Variants in AURKB observed in about 807,000 individuals in gnomAD.
The protein encoded by AURKB is aurora kinase B.
In AURKB, 28 loss-of-function variants were observed where a neutral mutation model predicts 36.5. That is an observed-to-expected ratio of 0.77 (90% confidence interval 0.57 to 1.05). The LOEUF is 1.05. Among genes scored for constraint, AURKB ranks in the 50% least tolerant of loss-of-function variants. AURKB has a pLI of 0.00. For synonymous variants in AURKB, 175 were observed against 172.9 expected (o/e 1.01, Z -0.09); for missense variants, 383 against 447.4 (o/e 0.86, Z 1.30).
intron 2 of AURKB, chr17:8,208,062 C>A (rs1033661805): frequency 3.6e-5 from 15 of 416,512 alleles, no homozygotes; most frequent in Non-Finnish European, 6.5e-5. Context: ...CGCAGTGGCT[C>A]CCGCAGTCAG....
Position 8,207,378 on chromosome 17 carries a change from A to C in AURKB, c.207-11T>G, listed in dbSNP as rs2151473600. ...ATTGTGAAGTGCCGCCTGCTTAGAA[A>C]GTGGAGGAAGGCAACTCAGAACCGG... On this transcript the variant is annotated splice_polypyrimidine_tract_variant and intron_variant, in intron 4 of 8. Transcript: ENST00000585124. 1 of 1,610,246 alleles carries C rather than the reference A, an allele frequency of 6.2e-7. No individual in the cohort carries two copies. Among genetic ancestry groups the C allele is most frequent in the Admixed American group, 1.7e-5 (1 of 59,870 alleles).
chr17:8,209,188 T>C (rs534128989), intron 2 of AURKB, among the ~76,000 whole-genome samples: 1 of 152,192 alleles, frequency 6.6e-6, no homozygotes, highest in African/African-American at 2.4e-5. Flanking sequence ...AATTTTTGTA[T>C]TTTTAGTAGA....
In AURKB at chr17:8,207,255, C is replaced by A; in HGVS notation, c.319G>T (p.Val107Phe). ...KKSHFIVALK[V>F]LFKSQIEKEG... is the part of the protein sequence containing the mutation. Reference sequence around the variant, plus strand: ...TTCTCTATCTGGGACTTGAAGAGGACCTTGAGCGCCACGATGAAATGGCTT... The same window carrying A: ...TTCTCTATCTGGGACTTGAAGAGGAACTTGAGCGCCACGATGAAATGGCTT... The change falls in exon 5 of 9, where the codon GTC (valine) becomes TTC (phenylalanine). Residue 107 changes from valine to phenylalanine, a missense_variant. Physicochemically the swap from Val to Phe is conservative, Grantham distance 50. Coordinates refer to ENST00000585124, the MANE Select transcript of AURKB (RefSeq NM_004217.4). The A allele has an allele frequency of 1.2e-6, 2 of 1,614,126 alleles. No homozygotes were observed. Among genetic ancestry groups the A allele is most frequent in the Non-Finnish European group, 8.5e-7 (1 of 1,180,016 alleles).
chr17:8,207,104 G>C, intron 5 of AURKB, 72 bp downstream of exon 5: 2 of 1,533,622 alleles, frequency 1.3e-6, no homozygotes, highest in Non-Finnish European at 1.8e-6. Context: ...CAATCTGGAT[G>C]AAGTGGGGCT....
At chr17:8,210,326 G>A (rs1433752202) in intron 1 of AURKB, 77 bp from the exon 2 acceptor site, 1 of 1,143,212 alleles carries the variant, frequency 8.7e-7, no homozygotes, top group African/African-American at 1.6e-5. Flanking sequence ...GATCGAGCCG[G>A]AAGCGCTAGC....
chr17:8,210,299 G>C, intron 1 of AURKB, 50 bp from the exon 2 acceptor site: 1 of 1,386,864 alleles, frequency 7.2e-7, no homozygotes, highest in Non-Finnish European at 1.0e-6. Flanking sequence ...AAGAGAGAGA[G>C]AGGGAGGGGT....
chr17:8,205,100 C>A, intron 8 of AURKB, 56 bp from the exon 9 acceptor site: 1 of 1,550,398 alleles, frequency 6.4e-7, no homozygotes, highest in East Asian at 2.3e-5. Context: ...CTACATCTTC[C>A]TTGACTACCC....
chr17:8,205,430 A>G (rs753842571), intron 7 of AURKB, 40 bp from the exon 8 acceptor site: 3 of 1,601,172 alleles, frequency 1.9e-6, no homozygotes, highest in Admixed American at 1.7e-5. Flanking sequence ...TCCTAGTGAC[A>G]TAGGAACTCT....
chr17:8,210,402 C>A lies in AURKB; in HGVS notation c.-26+128G>T, dbSNP rs375128595. 677 of 642,910 alleles carry A rather than the reference C, an allele frequency of 1.1e-3. 6 individuals carry two copies. In the African/African-American group the frequency reaches 0.011, roughly 11 times the overall value. 39.8% of individuals were successfully genotyped at this position (642,910 alleles called of 1,614,324 possible). On this transcript the variant is annotated intron_variant, in intron 1 of 8. Transcript: ENST00000585124. Reference sequence around the variant, plus strand: ...ATCTGGGCGCTGGTCTCACCGCCCCCGCCCTGCTATCGTCCCTACCTCCTT... The same window carrying A: ...ATCTGGGCGCTGGTCTCACCGCCCCAGCCCTGCTATCGTCCCTACCTCCTT...
chr17:8,207,075 G>T (rs1985413176), intron 5 of AURKB, 101 bp downstream of exon 5: 2 of 1,463,868 alleles, frequency 1.4e-6, no homozygotes, highest in African/African-American at 1.4e-5. Context: ...GGGCTCACTA[G>T]CCATAGCTAC....
Position 8,206,935 on chromosome 17 carries a change from C to G in AURKB, c.399-47G>C, listed in dbSNP as rs771165984. On this transcript the variant is annotated intron_variant, in intron 5 of 8. Coordinates refer to ENST00000585124, the MANE Select transcript of AURKB (RefSeq NM_004217.4). The surrounding 1 kb of genome is among the most constrained non-coding windows in gnomAD (Gnocchi z 4.2). ...GCCTCAGGCCAAAGGCATAAAAGAG[C>G]TGGAAAAGATGATAGGAGCAAACTG... The G allele has an allele frequency of 6.2e-7, 1 of 1,612,738 alleles. No homozygotes were observed. Among genetic ancestry groups the G allele is most frequent in the Non-Finnish European group, 8.5e-7 (1 of 1,179,788 alleles).
rs757005447 is a variant in AURKB, at chr17:8,207,385, G to A, written c.207-18C>T. 6.2e-7 allele frequency: 1 copy of A among 1,609,474 alleles called. No homozygotes were observed. On this transcript the variant is annotated intron_variant, in intron 4 of 8. Coordinates refer to ENST00000585124, the MANE Select transcript of AURKB (RefSeq NM_004217.4). ...AGTGCCGCCTGCTTAGAAAGTGGAG[G>A]AAGGCAACTCAGAACCGGTTTTGGT...
intron 2 of AURKB, among the ~76,000 whole-genome samples, chr17:8,208,593 A>AAAATAAATAAATAAAT (rs60763099): frequency 4.0e-4 from 56 of 141,334 alleles, no homozygotes; most frequent in African/African-American, 6.0e-4. Context: ...TCCGTCTCAA[A>AAAATAAATAAATAAAT]AAATAAATAA....
chr17:8,209,021 T>C (rs1985769535), intron 2 of AURKB, among the ~76,000 whole-genome samples: 1 of 118,192 alleles, frequency 8.5e-6, no homozygotes, highest in African/African-American at 3.3e-5. Context: ...TTCAACTTCT[T>C]CATTTTTTTT....
intron 2 of AURKB, chr17:8,209,823 GTCTATT>G (rs1367981581): frequency 1.0e-5 from 4 of 390,038 alleles, no homozygotes; most frequent in African/African-American, 6.4e-5. Flanking sequence ...TCCTTTTAGA[GTCTATT>G]TCTATTTGCT....
In AURKB at chr17:8,206,806, C is replaced by T; in HGVS notation, c.481G>A (p.Glu161Lys). The T allele has an allele frequency of 6.2e-7, 1 of 1,614,196 alleles. No individual in the cohort carries two copies. The highest frequency in any genetic ancestry group is 8.5e-7 in the Non-Finnish European group (1 of 1,180,036). The change falls in exon 6 of 9, where the codon GAG becomes AAG. Residue 161 changes from glutamate (E) to lysine (K), a missense_variant. By Grantham distance (56) the Glu-to-Lys change is moderately conservative (BLOSUM62 1). This residue lies in a region of AURKB where 219 missense variants were observed against 252.6 expected (regional missense o/e 0.87). Coordinates refer to ENST00000585124, the MANE Select transcript of AURKB (RefSeq NM_004217.4). The surrounding 1 kb of genome is among the most constrained non-coding windows in gnomAD (Gnocchi z 4.2). ...YLILEYAPRG[E>K]LYKELQKSCT... Reference sequence around the variant, plus strand: ...CTCTTCTGCAGCTCCTTGTAGAGCTCCCCGCGGGGGGCATACTCTAGAATC... The same window carrying T: ...CTCTTCTGCAGCTCCTTGTAGAGCTTCCCGCGGGGGGCATACTCTAGAATC...
chr17:8,205,293 G>C lies in AURKB; in HGVS notation c.784C>G (p.Leu262Val). The C allele has an allele frequency of 6.2e-7, 1 of 1,614,210 alleles. No homozygotes were observed. The highest frequency in any genetic ancestry group is 1.3e-5 in the African/African-American group (1 of 75,040). ...TTCCCCACCAGCAGCTCATAGCAAA[G>C]CACTCCAATGCACCACAGATCCACC... The part of the protein sequence containing the change: ...EKVDLWCIGV[L>V]CYELLVGNPP... Residue 262 changes from leucine to valine, a missense_variant, in exon 8 of 9, where the codon CTT becomes GTT. By Grantham distance (32) the Leu-to-Val change is conservative. This residue lies in a region of AURKB where 219 missense variants were observed against 252.6 expected (regional missense o/e 0.87). Coordinates refer to ENST00000585124, the MANE Select transcript of AURKB (RefSeq NM_004217.4).
rs1985945496 is a variant in AURKB, at chr17:8,210,388, G to T, written c.-25-139C>A. On this transcript the variant is annotated intron_variant, in intron 1 of 8. Transcript: ENST00000585124. ...GCACACTAGCCCCAATCTGGGCGCTGGTCTCACCGCCCCCGCCCTGCTATC... is the reference window on the plus strand; with the variant it reads ...GCACACTAGCCCCAATCTGGGCGCTTGTCTCACCGCCCCCGCCCTGCTATC... The T allele has an allele frequency of 1.3e-5, 9 of 669,002 alleles. No individual in the cohort carries two copies. In the East Asian group the frequency reaches 2.6e-4, roughly 19 times the overall value. 41.4% of individuals were successfully genotyped at this position (669,002 alleles called of 1,614,324 possible).
chr17:8,204,747 C>T lies in AURKB; in HGVS notation c.*124G>A. On this transcript the variant is annotated 3_prime_UTR_variant, in exon 9 of 9. Coordinates refer to ENST00000585124, the MANE Select transcript of AURKB (RefSeq NM_004217.4). ...CATCTACACTCATGAGTACAAAAAG[C>T]TTCAGCCTTTATTAAACAAAGGAGG... The T allele has an allele frequency of 7.4e-7, 1 of 1,343,046 alleles. No homozygotes were observed. The highest frequency in any genetic ancestry group is 1.0e-6 in the Non-Finnish European group (1 of 969,422). 83.2% of individuals were successfully genotyped at this position (1,343,046 alleles called of 1,614,324 possible).
Sources: gnomAD v4.1 joint callset for allele counts (sites outside exome capture counted in the v4.1 genomes callset) on GRCh38, gnomAD v4.1.1 for gene constraint, gnomAD v4.1.1 regional missense constraint, Gnocchi (gnomAD v3.1) non-coding constraint, MANE v1.5 for transcripts, NCBI Gene and HGNC (gene_info 2026-07-23, HGNC 2026-07-21) for gene names.